The following PIN1 variants were observed in gnomAD, a reference collection of about 807,000 sequenced individuals.
PIN1 encodes the protein peptidyl-prolyl cis-trans isomerase NIMA-interacting 1.
In PIN1, 8 loss-of-function variants were observed where a neutral mutation model predicts 19.9. That is an observed-to-expected ratio of 0.40 (90% CI 0.24 to 0.72). PIN1 has a LOEUF of 0.72. Ranked by LOEUF, PIN1 falls within the 30% of genes least tolerant of loss-of-function variation. PIN1 has a pLI of 0.37. For missense variants in PIN1, 185 were observed against 226.5 expected (o/e 0.82, Z 1.18); for synonymous variants, 86 against 90.8 (o/e 0.95, Z 0.30).
chr19:9,844,302 T>C (rs949045503), intron 2 of PIN1, among the ~76,000 whole-genome samples: 1 of 152,098 alleles, frequency 6.6e-6, no homozygotes, highest in African/African-American at 2.4e-5. Flanking sequence ...GGCTCCAACG[T>C]GGGAGCAGCG....
At chr19:9,848,173 G>A in intron 3 of PIN1, 33 bp downstream of exon 3, 1 of 1,312,140 alleles carries the variant, frequency 7.6e-7, no homozygotes, top group Non-Finnish European at 1.1e-6. Context: ...CAGGTTGGGG[G>A]ACCCTTACCA....
At chr19:9,848,931 G>A (rs554900384) in intron 3 of PIN1, among the ~76,000 whole-genome samples, 159 bp from the exon 4 acceptor site, 29 of 152,224 alleles carry the variant, frequency 1.9e-4, no homozygotes, top group Middle Eastern at 3.4e-3. Context: ...CTGGGCCGCC[G>A]CTCAGCACTG....
chr19:9,836,996 T>A, intron 1 of PIN1: 1 of 515,192 alleles, frequency 1.9e-6, no homozygotes, highest in Non-Finnish European at 3.5e-6. Flanking sequence ...TGCTTTCTTA[T>A]TATTATTTTT....
chr19:9,839,370 C>T (rs1282357296), intron 2 of PIN1, among the ~76,000 whole-genome samples: 3 of 149,590 alleles, frequency 2.0e-5, no homozygotes, highest in African/African-American at 7.4e-5. Context: ...GAGCCGAGAT[C>T]GCACCACTCC....
intron 1 of PIN1, chr19:9,837,399 CTGCCT>C (rs1473225518): frequency 1.9e-5 from 3 of 157,224 alleles, no homozygotes; most frequent in Non-Finnish European, 4.2e-5. Flanking sequence ...GGTGATCCAC[CTGCCT>C]CAGCCTCCCA....
rs916777494 is a variant in PIN1, at chr19:9,838,260, A to G, written c.59-176A>G. ...TTAGCTCTCTAAGGGCAGGGACTGT[A>G]TCCTGCCACATTGGCCCACGTCTGG... On this transcript the variant is annotated intron_variant, in intron 1 of 3. Transcript: ENST00000247970. The surrounding 1 kb of genome is among the most constrained non-coding windows in gnomAD (Gnocchi z 5.8). 9 of 684,674 alleles carry G rather than the reference A, an allele frequency of 1.3e-5. No homozygotes were observed. Among genetic ancestry groups the G allele is most frequent in the Non-Finnish European group, 2.4e-5 (9 of 371,068 alleles). 42.4% of individuals were successfully genotyped at this position (684,674 alleles called of 1,614,324 possible).
At chr19:9,843,545 A>G (rs2046189636) in intron 2 of PIN1, among the ~76,000 whole-genome samples, 1 of 152,208 alleles carries the variant, frequency 6.6e-6, no homozygotes, top group Non-Finnish European at 1.5e-5. Context: ...ACAAAATATC[A>G]CAGACAGTGT....
intron 2 of PIN1, among the ~76,000 whole-genome samples, chr19:9,844,299 A>G (rs1244857943): frequency 6.6e-6 from 1 of 152,194 alleles, no homozygotes; most frequent in African/African-American, 2.4e-5. Context: ...ACAGGCTCCA[A>G]CGTGGGAGCA....
chr19:9,835,649 T>C (rs2046095235), intron 1 of PIN1: 2 of 470,458 alleles, frequency 4.3e-6, no homozygotes, highest in Non-Finnish European at 3.7e-6. Flanking sequence ...TCCGGGGCGA[T>C]GGCCCTGGCC....
At chr19:9,840,169 A>G (rs1448663957) in intron 2 of PIN1, among the ~76,000 whole-genome samples, 7 of 152,168 alleles carry the variant, frequency 4.6e-5, no homozygotes, top group African/African-American at 1.7e-4. Flanking sequence ...TGGGTGGATC[A>G]CGAAGTCAGG....
chr19:9,842,567 C>T (rs868087122), intron 2 of PIN1, among the ~76,000 whole-genome samples: 2 of 152,184 alleles, frequency 1.3e-5, no homozygotes, highest in Non-Finnish European at 1.5e-5. Flanking sequence ...GAAAGAGTTC[C>T]GGATAGGACC....
In PIN1 at chr19:9,849,104, C is replaced by G. The variant is rs1568362481; in HGVS notation, c.397C>G (p.Pro133Ala). ...CTGGCTCCCAGGTCAGATGCAGAAGCCATTTGAAGACGCCTCGTTTGCGCT... is the reference window on the plus strand; with the variant it reads ...CTGGCTCCCAGGTCAGATGCAGAAGGCATTTGAAGACGCCTCGTTTGCGCT... ...GAFSRGQMQK[P>A]FEDASFALRT... The change falls in exon 4 of 4, where the codon CCA (proline) becomes GCA (alanine). Residue 133 changes from proline (P) to alanine (A), a missense_variant. Pro to Ala is a conservative substitution (Grantham distance 27). Transcript: ENST00000247970. The G allele has an allele frequency of 2.5e-6, 4 of 1,613,284 alleles. No individual in the cohort carries two copies. Among genetic ancestry groups the G allele is most frequent in the Middle Eastern group, 1.6e-4 (1 of 6,062 alleles).
At chr19:9,844,322 T>C (rs1429868872) in intron 2 of PIN1, among the ~76,000 whole-genome samples, 1 of 152,108 alleles carries the variant, frequency 6.6e-6, no homozygotes, top group Non-Finnish European at 1.5e-5. Flanking sequence ...GGTTACCCCA[T>C]TTTACAGGCC....
In PIN1 at chr19:9,835,585, C is replaced by T. The variant is rs2046094275; in HGVS notation, c.58+183C>T. The stretch of plus-strand genomic sequence containing the variant: ...GGGGACTGCGAGCCTCAGGAGCCGC[C>T]GGGAAGCCTGAGGAAGCTGAGGCAG... On this transcript the variant is annotated intron_variant, in intron 1 of 3. Transcript: ENST00000247970. The T allele has an allele frequency of 8.7e-6, 4 of 459,382 alleles. No individual in the cohort carries two copies. In the South Asian group the frequency reaches 1.1e-4, roughly 13 times the overall value. The allele number at this position is 459,382 out of a possible 1,614,324, so 28.5% of individuals were successfully genotyped here.
chr19:9,849,012 C>G, intron 3 of PIN1, 78 bp from the exon 4 acceptor site: 2 of 839,706 alleles, frequency 2.4e-6, no homozygotes, highest in South Asian at 2.8e-5. Context: ...CCATCTGTCG[C>G]GGCTGCCACC....
At chr19:9,840,127 G>A (rs1599450086) in intron 2 of PIN1, among the ~76,000 whole-genome samples, 2 of 152,244 alleles carry the variant, frequency 1.3e-5, no homozygotes, top group South Asian at 2.1e-4. Context: ...GGTGGCTCAC[G>A]TCTGTAATTC....
rs374690127 is a variant in PIN1 at position 9,847,998 on chromosome 19, C to T, written c.272-32C>T. On this transcript the variant is annotated intron_variant, in intron 2 of 3. Coordinates refer to ENST00000247970, the MANE Select transcript of PIN1 (RefSeq NM_006221.4). Reference sequence around the variant, plus strand: ...TGGTCAGGCCCCCCCCAACCCCTGACCTGGCACTCCCATTCCGTTCCATGT... The same window carrying T: ...TGGTCAGGCCCCCCCCAACCCCTGATCTGGCACTCCCATTCCGTTCCATGT... 3.3e-5 allele frequency: 46 copies of T among 1,412,808 alleles called. No homozygotes were observed. The African/African-American group carries it at 6.1e-4, about 19-fold the overall frequency. 87.5% of individuals were successfully genotyped at this position (1,412,808 alleles called of 1,614,324 possible). A position where few individuals can be genotyped will look rare whatever the true frequency, so the allele number is the denominator to read the frequency against.
intron 2 of PIN1, among the ~76,000 whole-genome samples, chr19:9,845,244 T>TTTTGTTTG (rs3837946): frequency 0.022 from 2,642 of 122,048 alleles, 53 homozygotes; most frequent in East Asian, 0.03. Context: ...AAGAAAGCGT[T>TTTTGTTTG]TTTGTTTGTT....
At chr19:9,845,240 G>A (rs2046208011) in intron 2 of PIN1, among the ~76,000 whole-genome samples, 1 of 134,010 alleles carries the variant, frequency 7.5e-6, no homozygotes, top group Non-Finnish European at 1.6e-5. Flanking sequence ...CAGGAAGAAA[G>A]CGTTTTTGTT....
Sources: gnomAD v4.1 joint callset for allele counts (sites outside exome capture counted in the v4.1 genomes callset) on GRCh38, gnomAD v4.1.1 for gene constraint, Gnocchi (gnomAD v3.1) non-coding constraint, MANE v1.5 for transcripts, NCBI Gene and HGNC (gene_info 2026-07-23, HGNC 2026-07-21) for gene names.